The following ASB15 variants were observed in gnomAD, a reference collection of about 807,000 sequenced individuals.
The protein encoded by ASB15 is ankyrin repeat and SOCS box containing 15.
A neutral mutation model predicts 58.0 loss-of-function variants in ASB15; 54 were observed. The ratio of observed to expected loss-of-function variants is 0.93; its 90% CI spans 0.75 to 1.17. The LOEUF (loss-of-function observed/expected upper bound fraction) is 1.17. Among genes scored for constraint, ASB15 ranks in the 50% most tolerant of loss-of-function variants. The pLI, the probability that ASB15 is intolerant of heterozygous loss-of-function variation, is 0.00. For missense variants in ASB15, 680 were observed against 707.4 expected (o/e 0.96, Z 0.44); for synonymous variants, 249 against 262.4 (o/e 0.95, Z 0.50).
At chr7:123,601,678 A>C (rs183572887), upstream of ASB15, among the ~76,000 whole-genome samples, 46 of 152,284 alleles carry the variant, frequency 3.0e-4, no homozygotes, top group African/African-American at 1.1e-3. Flanking sequence ...AGATAATCTT[A>C]TTATACCTCT....
rs368938159 is a variant in ASB15, at chr7:123,629,439, G to C, written c.1440+5G>C. 6.3e-6 allele frequency: 10 copies of C among 1,589,158 alleles called. No homozygotes were observed. Among genetic ancestry groups the C allele is most frequent in the Non-Finnish European group, 8.6e-6 (10 of 1,167,604 alleles). On this transcript the variant is annotated splice_donor_5th_base_variant and intron_variant, in intron 10 of 11. Coordinates refer to ENST00000451215, the MANE Select transcript of ASB15 (RefSeq NM_001290258.2). ...TGTGTAATAAAAGATAACCCGGTGA[G>C]TTATGCCTTTTCTGCTTTATATTGA...
At chr7:123,611,010 A>G (rs867273608) in intron 3 of ASB15, among the ~76,000 whole-genome samples, 4 of 144,964 alleles carry the variant, frequency 2.8e-5, no homozygotes, top group African/African-American at 1.0e-4. Context: ...CGAACCCAGC[A>G]GGCGGGAGGT....
rs138339279 is a variant in ASB15 at position 123,629,046 on chromosome 7, A to C, written c.1052A>C (p.Lys351Thr). 6.2e-7 allele frequency: 1 copy of C among 1,613,808 alleles called. No homozygotes were observed. The highest frequency in any genetic ancestry group is 8.5e-7 in the Non-Finnish European group (1 of 1,179,840). ...TCCCAGAGCTATGACGATGAGAGGA[A>C]GACTGCGCTGTATTTTGGCGTTTCT... ...HISQSYDDER[K>T]TALYFGVSNN... is the part of the protein sequence containing the mutation. The change falls in exon 10 of 12, where the codon AAG becomes ACG. Residue 351 changes from lysine (K) to threonine (T), a missense_variant. Physicochemically the swap from Lys to Thr is moderately conservative, Grantham distance 78. Coordinates refer to ENST00000451215, the MANE Select transcript of ASB15 (RefSeq NM_001290258.2).
intron 7 of ASB15, 103 bp downstream of exon 7, chr7:123,617,840 C>T (rs1024624033): frequency 3.4e-6 from 4 of 1,182,554 alleles, no homozygotes; most frequent in Non-Finnish European, 4.7e-6. Flanking sequence ...CAGTTCCTTC[C>T]ATTCCCTGAG....
chr7:123,622,489 T>G (rs1207063662), intron 7 of ASB15, among the ~76,000 whole-genome samples: 1 of 152,200 alleles, frequency 6.6e-6, no homozygotes, highest in African/African-American at 2.4e-5. Flanking sequence ...ACATTCTTGA[T>G]TTCAAAAAAT....
At position 123,589,724 on chromosome 7, in the gene ASB15, T is replaced by C. The variant is rs564286413; in HGVS notation, c.-442-14308T>C. Reference sequence around the variant, plus strand: ...TTTTCTTTATCCAGTCTAATATTGATGGACATTTGGGTTGATTCCAAGTCT... The same window carrying C: ...TTTTCTTTATCCAGTCTAATATTGACGGACATTTGGGTTGATTCCAAGTCT... On this transcript the variant is annotated intron_variant, in intron 1 of 13. Transcript: ENST00000451558. 1.2e-4 allele frequency among the ~76,000 whole-genome samples: 19 copies of C among 152,298 alleles called. 1 individual carries two copies. In the East Asian group the frequency reaches 3.7e-3, roughly 29 times the overall value.
chr7:123,634,781 C>T (rs552946023), intron 11 of ASB15, among the ~76,000 whole-genome samples: 5 of 152,018 alleles, frequency 3.3e-5, no homozygotes, highest in African/African-American at 7.2e-5. Flanking sequence ...ATATAGCCTC[C>T]GATAAATTAA....
intron 8 of ASB15, among the ~76,000 whole-genome samples, chr7:123,626,403 C>T (rs1801776916): frequency 6.6e-6 from 1 of 152,072 alleles, no homozygotes; most frequent in African/African-American, 2.4e-5. Context: ...ACCCAGGAGG[C>T]GGAGGCTGCA....
intron 1 of ASB15, chr7:123,596,433 C>T (rs1799695118): frequency 6.6e-6 from 1 of 151,936 alleles, no homozygotes; most frequent in African/African-American, 2.4e-5. Context: ...AGGTCAAACC[C>T]CATCTCTACA....
intron 1 of ASB15, among the ~76,000 whole-genome samples, chr7:123,584,354 A>C (rs1799318470): frequency 6.6e-6 from 1 of 151,338 alleles, no homozygotes; most frequent in Non-Finnish European, 1.5e-5. Flanking sequence ...AAGAAGTTTT[A>C]ATGTCCTGAT....
chr7:123,635,248 C>A (rs972363473), intron 11 of ASB15, among the ~76,000 whole-genome samples: 11 of 152,240 alleles, frequency 7.2e-5, no homozygotes, highest in Admixed American at 5.2e-4. Context: ...TTTCTTTGGT[C>A]TCCGGCAAAG....
chr7:123,636,840 G>T lies in ASB15; in HGVS notation c.1626G>T (p.Arg542=), dbSNP rs1198799057. 1 of 1,609,462 alleles carries T rather than the reference G, an allele frequency of 6.2e-7. No homozygotes were observed. The highest frequency in any genetic ancestry group is 1.7e-5 in the Admixed American group (1 of 59,188). Residue 542 remains arginine (R), a synonymous_variant, in exon 12 of 12, where the codon CGG becomes CGT. Transcript: ENST00000451215. ...ENPCSLKHLC[R]LKIRRLMGLQ... is the part of the protein sequence containing the mutation. ...CTTGTTCATTGAAGCATTTGTGTCG[G>T]TTAAAAATTCGAAGGCTTATGGGTC...
intron 3 of ASB15, among the ~76,000 whole-genome samples, chr7:123,611,280 G>C (rs1438288953): frequency 6.6e-6 from 1 of 151,964 alleles, no homozygotes; most frequent in African/African-American, 2.4e-5. Context: ...CACTCAAGGA[G>C]GTTTAGATAA....
intron 1 of ASB15, chr7:123,567,191 A>G (rs1243477072): frequency 2.0e-5 from 3 of 152,168 alleles, no homozygotes; most frequent in Non-Finnish European, 4.4e-5. Context: ...TAGGCTAGTG[A>G]TAGTAGAATT....
Position 123,616,352 on chromosome 7 carries a change from T to C in ASB15, c.161-12T>C. On this transcript the variant is annotated splice_polypyrimidine_tract_variant and intron_variant, in intron 5 of 11. Coordinates refer to ENST00000451215, the MANE Select transcript of ASB15 (RefSeq NM_001290258.2). ...AACAGAGATTAGTCATCAGTCCATGTGTTTAATTTAGGTCACATTCCTGAG... is the reference window on the plus strand; with the variant it reads ...AACAGAGATTAGTCATCAGTCCATGCGTTTAATTTAGGTCACATTCCTGAG... 6.2e-7 allele frequency: 1 copy of C among 1,610,122 alleles called. No individual in the cohort carries two copies. The highest frequency in any genetic ancestry group is 8.5e-7 in the Non-Finnish European group (1 of 1,176,660).
chr7:123,582,332 T>C (rs1799258804), intron 1 of ASB15, among the ~76,000 whole-genome samples: 2 of 151,802 alleles, frequency 1.3e-5, no homozygotes, highest in Non-Finnish European at 2.9e-5. Flanking sequence ...ATGTTAAGAC[T>C]CCACAGATGG....
chr7:123,572,467 A>G (rs1584719438), intron 1 of ASB15, among the ~76,000 whole-genome samples: 1 of 151,344 alleles, frequency 6.6e-6, no homozygotes, highest in East Asian at 1.9e-4. Flanking sequence ...CCTGGATACT[A>G]TTTCTCCTTA....
At chr7:123,625,246 T>C (rs540444669) in intron 8 of ASB15, among the ~76,000 whole-genome samples, 1 of 152,190 alleles carries the variant, frequency 6.6e-6, no homozygotes, top group South Asian at 2.1e-4. Context: ...TTGTAGCGTT[T>C]CTCTTGTCCT....
At chr7:123,576,186 C>T (rs144036828) in intron 1 of ASB15, among the ~76,000 whole-genome samples, 51 of 150,188 alleles carry the variant, frequency 3.4e-4, no homozygotes, top group African/African-American at 1.2e-3. Flanking sequence ...GTCCTGTAAT[C>T]CTTCAAATTT....
Sources: gnomAD v4.1 joint callset for allele counts (sites outside exome capture counted in the v4.1 genomes callset) on GRCh38, gnomAD v4.1.1 for gene constraint, MANE v1.5 for transcripts, NCBI Gene and HGNC (gene_info 2026-07-23, HGNC 2026-07-21) for gene names.